The following FRMD6 variants were observed in gnomAD, a reference collection of about 807,000 sequenced individuals.
FRMD6 encodes the protein FERM domain-containing protein 6.
FRMD6 carries 37 observed loss-of-function variants against 73.2 expected under a neutral mutation model. That is an observed-to-expected ratio of 0.51 (90% CI 0.39 to 0.66). The LOEUF (loss-of-function observed/expected upper bound fraction) is 0.66, where lower values mean the gene tolerates loss of function less well. Among genes scored for constraint, FRMD6 ranks in the 30% least tolerant of loss-of-function variants. The pLI is 0.00. For synonymous variants in FRMD6, 273 were observed against 282.2 expected, an observed-to-expected ratio of 0.97 and a Z score of 0.33; for missense variants, 714 against 780.5, an observed-to-expected ratio of 0.91 and a Z score of 1.02.
At chr14:51,629,883 A>T (rs918293229) in intron 2 of FRMD6, among the ~76,000 whole-genome samples, 1 of 152,286 alleles carries the variant, frequency 6.6e-6, no homozygotes, top group Admixed American at 6.5e-5. Context: ...TTCCAGCTCT[A>T]AAACAAGGAG....
rs780964785 is a variant in FRMD6, at chr14:51,704,779, G to A, written c.402G>A (p.Trp134Ter). The change falls in exon 6 of 14, where the codon TGG becomes TGA. Residue 134 changes from tryptophan (W) to a stop codon, truncating the protein, a stop_gained. Coordinates refer to ENST00000344768, the MANE Select transcript of FRMD6 (RefSeq NM_001267046.2). LOFTEE classifies it high-confidence loss of function. ...GAGCAGCAAGATACTATTATTACTG[G>A]CACCTGAGAAAACAAGTTCTTCATT... ...SDRAARYYYY[W>*]HLRKQVLHSQ... The A allele has an allele frequency of 1.2e-6, 2 of 1,612,570 alleles. No individual in the cohort carries two copies. The highest frequency in any genetic ancestry group is 1.1e-5 in the South Asian group (1 of 90,962).
chr14:51,546,612 G>T (rs1886488426), intron 1 of FRMD6: 1 of 147,426 alleles, frequency 6.8e-6, no homozygotes, highest in African/African-American at 2.5e-5. Flanking sequence ...AAAAACCTGT[G>T]GTGTTATTAC....
Position 51,728,149 on chromosome 14 carries a change from A to C in FRMD6, c.*120A>C. 1 of 910,708 alleles carries C rather than the reference A, an allele frequency of 1.1e-6. No individual in the cohort carries two copies. The highest frequency in any genetic ancestry group is 2.9e-5 in the Admixed American group (1 of 34,550). The allele number at this position is 910,708 out of a possible 1,614,324, so 56.4% of individuals were successfully genotyped here. ...TCACCCTAAACATAGCTCTTTCTTT[A>C]TAATATTTGTGATGATGGAAACAAA... is the stretch of plus-strand genomic sequence containing the variant. On this transcript the variant is annotated 3_prime_UTR_variant, in exon 14 of 14. Coordinates refer to ENST00000344768, the MANE Select transcript of FRMD6 (RefSeq NM_001267046.2).
At chr14:51,678,638 T>G (rs1894564539) in intron 1 of FRMD6, among the ~76,000 whole-genome samples, 1 of 152,090 alleles carries the variant, frequency 6.6e-6, no homozygotes, top group Admixed American at 6.5e-5. Context: ...ACTGGATACC[T>G]ATACAGAGCC....
intron 2 of FRMD6, among the ~76,000 whole-genome samples, chr14:51,603,236 T>C (rs987674217): frequency 7.2e-6 from 1 of 139,206 alleles, no homozygotes; most frequent in African/African-American, 2.6e-5. Flanking sequence ...AGGAAAAAAA[T>C]TTCTATGGTT....
the FRMD6 span, among the ~76,000 whole-genome samples, chr14:51,412,727 C>T: frequency 2.6e-5 from 4 of 151,960 alleles, no homozygotes; most frequent in South Asian, 2.1e-4. Flanking sequence ...TGGTGGGCAC[C>T]TGTAGTCCCA....
At chr14:51,470,951 G>A in the FRMD6 span, among the ~76,000 whole-genome samples, 9 of 152,174 alleles carry the variant, frequency 5.9e-5, no homozygotes, top group Admixed American at 6.5e-5. Context: ...AACTTGAATA[G>A]AATACATATT....
chr14:51,582,543 C>G (rs957105797), intron 2 of FRMD6, among the ~76,000 whole-genome samples: 2 of 152,164 alleles, frequency 1.3e-5, no homozygotes, highest in African/African-American at 4.8e-5. Flanking sequence ...TTCCCACTAG[C>G]CCACACTGCT....
chr14:51,524,805 A>C (rs1885143644), intron 1 of FRMD6, among the ~76,000 whole-genome samples: 1 of 152,156 alleles, frequency 6.6e-6, no homozygotes, highest in South Asian at 2.1e-4. Flanking sequence ...TGATTGGCCA[A>C]AACTCAGTGA....
chr14:51,709,469 T>C (rs1896820011), intron 7 of FRMD6, among the ~76,000 whole-genome samples: 1 of 152,206 alleles, frequency 6.6e-6, no homozygotes, highest in Non-Finnish European at 1.5e-5. Context: ...TTAGCATAGC[T>C]AGACCATTGG....
chr14:51,587,117 A>C (rs1317411479), intron 2 of FRMD6, among the ~76,000 whole-genome samples: 1 of 152,114 alleles, frequency 6.6e-6, no homozygotes, highest in Non-Finnish European at 1.5e-5. Context: ...GCATGTGGCT[A>C]TGCAATTTTT....
At chr14:51,715,195 A>G (rs1388595860) in intron 9 of FRMD6, 130 bp from the exon 10 acceptor site, 6 of 693,766 alleles carry the variant, frequency 8.6e-6, no homozygotes, top group Non-Finnish European at 1.3e-5. Flanking sequence ...AATTTATCCC[A>G]CAAGGAATTT....
At chr14:51,644,655 C>T (rs1034378874) in intron 2 of FRMD6, among the ~76,000 whole-genome samples, 7 of 152,122 alleles carry the variant, frequency 4.6e-5, no homozygotes, top group Non-Finnish European at 1.0e-4. Context: ...CTGTATTGTA[C>T]ATAAAACTAT....
intron 2 of FRMD6, among the ~76,000 whole-genome samples, chr14:51,573,017 C>G (rs7144382): frequency 0.014 from 2,083 of 152,308 alleles, 47 homozygotes; most frequent in African/African-American, 0.046. Flanking sequence ...CACCCTACCC[C>G]CACACACAAA....
At chr14:51,419,482 A>T in the FRMD6 span, among the ~76,000 whole-genome samples, 1 of 152,266 alleles carries the variant, frequency 6.6e-6, no homozygotes, top group African/African-American at 2.4e-5. Context: ...ACCTTAAAAG[A>T]TCTTACAGGT....
chr14:51,541,670 G>A (rs77262977), intron 1 of FRMD6, among the ~76,000 whole-genome samples: 3,041 of 152,052 alleles, frequency 0.02, 101 homozygotes, highest in African/African-American at 0.069. Context: ...AAGGGAGGAA[G>A]CACTAGAAAC....
intron 12 of FRMD6, among the ~76,000 whole-genome samples, chr14:51,723,772 C>CAAA (rs71443192): frequency 1.4e-3 from 188 of 138,718 alleles, no homozygotes; most frequent in Non-Finnish European, 2.4e-3. Flanking sequence ...GAGACTCTGT[C>CAAA]AAAAAAAAAA....
chr14:51,428,014 C>T, the FRMD6 span, among the ~76,000 whole-genome samples: 3 of 152,078 alleles, frequency 2.0e-5, no homozygotes, highest in African/African-American at 7.2e-5. Context: ...GCACGGGAAT[C>T]GTTTTGGGAG....
chr14:51,568,767 T>C (rs1887924620), intron 1 of FRMD6, among the ~76,000 whole-genome samples: 1 of 152,098 alleles, frequency 6.6e-6, no homozygotes, highest in African/African-American at 2.4e-5. Flanking sequence ...TGGTATGAAT[T>C]GATTGCCTGA....
Sources: gnomAD v4.1 joint callset for allele counts (sites outside exome capture counted in the v4.1 genomes callset) on GRCh38, gnomAD v4.1.1 for gene constraint, MANE v1.5 for transcripts, NCBI Gene and HGNC (gene_info 2026-07-23, HGNC 2026-07-21) for gene names.